DIAPH2: variants seen among roughly 807,000 people sequenced by gnomAD.
DIAPH2 encodes protein diaphanous homolog 2.
Under a neutral mutation model 92.7 loss-of-function variants are expected in DIAPH2, and 35 were observed. The ratio of observed to expected loss-of-function variants is 0.38; its 90% confidence interval spans 0.29 to 0.50. DIAPH2 has a LOEUF of 0.50. Ranked by LOEUF, DIAPH2 falls within the 20% of genes least tolerant of loss-of-function variation. The pLI, the probability that DIAPH2 is intolerant of heterozygous loss-of-function variation, is 0.94. For missense variants in DIAPH2, 701 were observed against 819.5 expected (o/e 0.86, Z 1.77); for synonymous variants, 301 against 280.4 (o/e 1.07, Z -0.73).
intron 22 of DIAPH2, among the ~76,000 whole-genome samples, chrX:97,241,614 T>C (rs762934933): frequency 9.2e-6 from 1 of 109,187 alleles, no homozygotes; most frequent in East Asian, 2.9e-4. Flanking sequence ...GGCTAATTCT[T>C]ACACCACAGA....
chrX:97,395,291 CT>C (rs1156413113), intron 25 of DIAPH2, among the ~76,000 whole-genome samples: 1 of 111,316 alleles, frequency 9.0e-6, no homozygotes, highest in Non-Finnish European at 1.9e-5. Flanking sequence ...TCTTTCTCAA[CT>C]CTTTGTACAA....
chrX:97,591,833 C>T (rs969538234), intron 26 of DIAPH2, among the ~76,000 whole-genome samples: 3 of 112,062 alleles, frequency 2.7e-5, no homozygotes, highest in African/African-American at 9.7e-5. Context: ...ATTGCATTCT[C>T]TAGTAAAGAA....
intron 26 of DIAPH2, among the ~76,000 whole-genome samples, chrX:97,570,304 A>G (rs1477969699): frequency 1.9e-5 from 2 of 104,175 alleles, no homozygotes; most frequent in Non-Finnish European, 3.9e-5. Flanking sequence ...TTAAAACACT[A>G]TATTAATGTG....
chrX:96,935,570 C>G (rs1325847908), intron 10 of DIAPH2, among the ~76,000 whole-genome samples: 1 of 111,020 alleles, frequency 9.0e-6, no homozygotes, highest in Non-Finnish European at 1.9e-5. Context: ...TGAGGACTGA[C>G]TTTGATAGGT....
intron 25 of DIAPH2, among the ~76,000 whole-genome samples, chrX:97,401,424 C>G (rs1312946815): frequency 3.6e-5 from 4 of 111,199 alleles, no homozygotes; most frequent in Admixed American, 1.9e-4. Flanking sequence ...CGAGGTTCAT[C>G]CAGCCCCACT....
At chrX:96,986,811 C>T (rs1442590151) in intron 17 of DIAPH2, among the ~76,000 whole-genome samples, 1 of 111,039 alleles carries the variant, frequency 9.0e-6, no homozygotes, top group Admixed American at 9.6e-5. Flanking sequence ...ATACACAATA[C>T]TTTGATGTAC....
chrX:96,958,137 A>T lies in DIAPH2; in HGVS notation c.1924A>T (p.Asn642Tyr). 1 of 1,206,003 alleles carries T rather than the reference A, an allele frequency of 8.3e-7. No homozygotes were observed. The highest frequency in any genetic ancestry group is 1.1e-6 in the Non-Finnish European group (1 of 893,962). The change falls in exon 16 of 27, where the codon AAT becomes TAT. Residue 642 changes from asparagine to tyrosine, a missense_variant. Physicochemically the swap from Asn to Tyr is moderately radical, Grantham distance 143. Around this residue, in one of 3 missense-constraint regions of DIAPH2, gnomAD observed 536 missense variants for 599.3 expected, o/e 0.89. Transcript: ENST00000324765. ...ACCTGAAGTGTCCATGAAGAGAATC[A>T]ATTGGTCAAAGGTAATACTAAAACT... ...YKPEVSMKRI[N>Y]WSKIEPTELS...
intron 17 of DIAPH2, among the ~76,000 whole-genome samples, chrX:97,014,983 T>C (rs2147866778): frequency 8.9e-6 from 1 of 111,989 alleles, no homozygotes; most frequent in African/African-American, 3.2e-5. Flanking sequence ...TAGGAATATA[T>C]CCAACTTTTA....
At chrX:97,448,708 T>TA (rs1297345282) in intron 26 of DIAPH2, among the ~76,000 whole-genome samples, 371 of 112,246 alleles carry the variant, frequency 3.3e-3, no homozygotes, top group African/African-American at 0.011. Flanking sequence ...AAGCTAGTTT[T>TA]AAAACATATA....
chrX:97,485,475 T>C (rs887279141), intron 26 of DIAPH2, among the ~76,000 whole-genome samples: 2 of 112,628 alleles, frequency 1.8e-5, no homozygotes, highest in Non-Finnish European at 3.7e-5. Flanking sequence ...TGTTATTTCA[T>C]ACCTATTCAA....
At chrX:97,142,904 TG>T (rs2067217707) in intron 22 of DIAPH2, among the ~76,000 whole-genome samples, 1 of 111,489 alleles carries the variant, frequency 9.0e-6, no homozygotes, top group African/African-American at 3.3e-5. Context: ...TTAAAAATAG[TG>T]AATCTATAAA....
At chrX:97,509,133 G>A (rs1241332905) in intron 26 of DIAPH2, among the ~76,000 whole-genome samples, 4 of 109,050 alleles carry the variant, frequency 3.7e-5, no homozygotes, top group Non-Finnish European at 7.6e-5. Context: ...TGCAACCTCC[G>A]CCTCCCAGGT....
At chrX:96,871,456 C>G (rs1271920703) in intron 4 of DIAPH2, among the ~76,000 whole-genome samples, 1 of 74,122 alleles carries the variant, frequency 1.3e-5, no homozygotes, top group African/African-American at 6.1e-5. Context: ...GGCGACAGAG[C>G]GAGACTCCGT....
intron 17 of DIAPH2, among the ~76,000 whole-genome samples, chrX:96,990,517 T>C (rs955494213): frequency 3.6e-5 from 4 of 112,164 alleles, no homozygotes; most frequent in Non-Finnish European, 7.5e-5. Context: ...AAGTGTTTTC[T>C]GCAATACTTC....
intron 4 of DIAPH2, among the ~76,000 whole-genome samples, chrX:96,787,847 C>T (rs1406176382): frequency 2.9e-5 from 3 of 103,846 alleles, no homozygotes; most frequent in East Asian, 6.3e-4. Context: ...CCTGCCACTA[C>T]GCCCAGCTAA....
chrX:97,419,044 G>C (rs1331787878), intron 25 of DIAPH2, among the ~76,000 whole-genome samples: 1 of 93,174 alleles, frequency 1.1e-5, no homozygotes, highest in Non-Finnish European at 2.2e-5. Flanking sequence ...AGGTCCTTCA[G>C]CACCTCAAAA....
intron 23 of DIAPH2, among the ~76,000 whole-genome samples, chrX:97,262,981 TGAA>T (rs766963464): frequency 8.9e-6 from 1 of 112,245 alleles, no homozygotes; most frequent in Admixed American, 9.5e-5. Flanking sequence ...CAAAAATGTT[TGAA>T]GAAGGATCTT....
chrX:96,796,403 C>T (rs2064539888), intron 4 of DIAPH2, among the ~76,000 whole-genome samples: 1 of 111,815 alleles, frequency 8.9e-6, no homozygotes, highest in South Asian at 3.7e-4. Flanking sequence ...TGGTCTCAAA[C>T]TCCTGACCTC....
At chrX:97,505,593 A>G (rs2070826533) in intron 26 of DIAPH2, among the ~76,000 whole-genome samples, 2 of 111,238 alleles carry the variant, frequency 1.8e-5, no homozygotes, top group Non-Finnish European at 3.8e-5. Flanking sequence ...CTTAATAAAG[A>G]AAGGTCAATT....
Sources: gnomAD v4.1 joint callset for allele counts (sites outside exome capture counted in the v4.1 genomes callset) on GRCh38, gnomAD v4.1.1 for gene constraint, gnomAD v4.1.1 regional missense constraint, MANE v1.5 for transcripts, NCBI Gene and HGNC (gene_info 2026-07-23, HGNC 2026-07-21) for gene names.